The following ARFGEF3 variants were observed in gnomAD, a reference collection of about 807,000 sequenced individuals.
ARFGEF3 encodes the protein brefeldin A-inhibited guanine nucleotide-exchange protein 3.
Under a neutral mutation model 221.7 loss-of-function variants are expected in ARFGEF3, and 96 were observed. That is an observed-to-expected ratio of 0.43 (90% CI 0.37 to 0.51). The LOEUF (loss-of-function observed/expected upper bound fraction) is 0.51. Ranked by LOEUF, ARFGEF3 falls within the 20% of genes least tolerant of loss-of-function variation. The pLI is 0.00. For synonymous variants in ARFGEF3, 1,145 were observed against 1,126.8 expected (o/e 1.02, Z -0.32); for missense variants, 2,410 against 2,789.9 (o/e 0.86, Z 3.07).
At chr6:138,185,837 C>G (rs565035580) in intron 2 of ARFGEF3, among the ~76,000 whole-genome samples, 5 of 152,240 alleles carry the variant, frequency 3.3e-5, no homozygotes, top group Admixed American at 3.3e-4. Flanking sequence ...CATGAGTGAC[C>G]CCCAGTAATG....
At chr6:138,316,876 A>T (rs966684019) in intron 26 of ARFGEF3, among the ~76,000 whole-genome samples, 1 of 152,200 alleles carries the variant, frequency 6.6e-6, no homozygotes, top group Non-Finnish European at 1.5e-5. Context: ...TCTGTTCTAT[A>T]TATTTACCAC....
intron 30 of ARFGEF3, 106 bp downstream of exon 30, chr6:138,323,879 T>A: frequency 6.5e-7 from 1 of 1,538,070 alleles, no homozygotes; most frequent in Non-Finnish European, 8.9e-7. Context: ...GAGCAGGCAG[T>A]CTCACTTTAG....
At chr6:138,319,632 A>G in intron 27 of ARFGEF3, 71 bp from the exon 28 acceptor site, 1 of 1,108,568 alleles carries the variant, frequency 9.0e-7, no homozygotes. Flanking sequence ...AAAGAGATCA[A>G]CAATGCCAGG....
At chr6:138,311,334 T>C (rs1243964713) in intron 24 of ARFGEF3, 73 bp from the exon 25 acceptor site, 1 of 873,640 alleles carries the variant, frequency 1.1e-6, no homozygotes, top group African/African-American at 1.7e-5. Flanking sequence ...GCTATGTGAG[T>C]AAACAGGTCT....
intron 12 of ARFGEF3, among the ~76,000 whole-genome samples, chr6:138,265,987 G>A (rs944023966): frequency 4.6e-5 from 7 of 151,862 alleles, no homozygotes; most frequent in South Asian, 2.1e-4. Flanking sequence ...AGGCTGAGAC[G>A]GGTGGATTGC....
Position 138,245,599 on chromosome 6 carries a change from C to T in ARFGEF3, c.665+8C>T. ...GCTGCAAGCCGCCATAAAGTAAGTG[C>T]CCTAACCACTGCCGCTTTTCTTTAC... On this transcript the variant is annotated splice_region_variant and intron_variant, in intron 8 of 33. Transcript: ENST00000251691. The T allele has an allele frequency of 6.2e-7, 1 of 1,600,508 alleles. No individual in the cohort carries two copies. Among genetic ancestry groups the T allele is most frequent in the Non-Finnish European group, 8.5e-7 (1 of 1,171,892 alleles).
chr6:138,283,778 T>C (rs1375968506), intron 14 of ARFGEF3, among the ~76,000 whole-genome samples: 1 of 152,244 alleles, frequency 6.6e-6, no homozygotes, highest in African/African-American at 2.4e-5. Flanking sequence ...CTTTGATAAA[T>C]GAAAATTTCT....
Position 138,212,278 on chromosome 6 carries a change from C to T in ARFGEF3, c.351+2237C>T, listed in dbSNP as rs117145219. Among the ~76,000 whole-genome samples the T allele has an allele frequency of 3.1e-3, 466 of 152,266 alleles. 13 individuals are homozygous for T. The East Asian group carries it at 0.064, about 21-fold the overall frequency. ...GCATTTGACTCATGCCTGTAATCCC[C>T]GCAATTTGGGAGGCCAAGGCAGGGG... On this transcript the variant is annotated intron_variant, in intron 4 of 33. Coordinates refer to ENST00000251691, the MANE Select transcript of ARFGEF3 (RefSeq NM_020340.5).
intron 27 of ARFGEF3, 150 bp from the exon 28 acceptor site, chr6:138,319,553 C>A: frequency 1.6e-6 from 1 of 612,312 alleles, no homozygotes; most frequent in Non-Finnish European, 2.8e-6. Flanking sequence ...CCACTGAAGA[C>A]CATATATTCC....
chr6:138,270,444 A>G (rs1714417259), intron 12 of ARFGEF3, among the ~76,000 whole-genome samples: 1 of 139,302 alleles, frequency 7.2e-6, no homozygotes, highest in South Asian at 2.1e-4. Flanking sequence ...ACACACACAC[A>G]CACACACACA....
intron 5 of ARFGEF3, among the ~76,000 whole-genome samples, chr6:138,230,991 T>C (rs555524672): frequency 2.0e-5 from 3 of 152,086 alleles, no homozygotes; most frequent in African/African-American, 7.2e-5. Flanking sequence ...CCCTTTGCCA[T>C]GTGAAGGAAG....
intron 4 of ARFGEF3, among the ~76,000 whole-genome samples, chr6:138,211,759 A>C (rs1026474189): frequency 6.6e-6 from 1 of 152,212 alleles, no homozygotes; most frequent in African/African-American, 2.4e-5. Context: ...CAGAACGTTT[A>C]ATGGTTATGT....
rs1780443285 is a variant in ARFGEF3, at chr6:138,342,310, C to T, written c.*5824C>T. 1 of 152,130 alleles carries T rather than the reference C, an allele frequency of 6.6e-6. No individual in the cohort carries two copies. Among genetic ancestry groups the T allele is most frequent in the South Asian group, 2.1e-4 (1 of 4,826 alleles). 9.4% of individuals were successfully genotyped at this position (152,130 alleles called of 1,614,324 possible). A position where few individuals can be genotyped will look rare whatever the true frequency, so the allele number is the denominator to read the frequency against. On this transcript the variant is annotated 3_prime_UTR_variant, in exon 34 of 34. Transcript: ENST00000251691. ...GTTTTGGGAACTATGCTTTGAGAAC[C>T]ACTGCCTTGAAAAAATTTCCAACTT... is the stretch of plus-strand genomic sequence containing the variant.
chr6:138,255,852 T>C, intron 10 of ARFGEF3, 83 bp downstream of exon 10: 1 of 1,211,450 alleles, frequency 8.3e-7, no homozygotes, highest in Non-Finnish European at 1.1e-6. Context: ...CAGAAAAGGC[T>C]TGCCAATCAC....
chr6:138,189,655 T>C (rs1290286888), intron 2 of ARFGEF3, among the ~76,000 whole-genome samples: 2 of 152,174 alleles, frequency 1.3e-5, no homozygotes, highest in Non-Finnish European at 2.9e-5. Context: ...TTCCATCAAA[T>C]TGATGCGCCA....
chr6:138,264,655 C>T (rs1160189341), intron 12 of ARFGEF3, among the ~76,000 whole-genome samples: 2 of 152,150 alleles, frequency 1.3e-5, no homozygotes, highest in Admixed American at 1.3e-4. Context: ...TCCCTTCTAC[C>T]CTCCCCTCTC....
Position 138,253,936 on chromosome 6 carries a change from GCTC to G in ARFGEF3, c.733_735del (p.Ser245del), listed in dbSNP as rs748813563. The G allele has an allele frequency of 4.4e-6, 7 of 1,597,936 alleles. No individual in the cohort carries two copies. The highest frequency in any genetic ancestry group is 2.3e-5 in the East Asian group (1 of 44,268). The stretch of plus-strand genomic sequence containing the variant: ...GAGTGCATCCTGTCTGTGCTCAGCA[GCTC>G]CTCCTCCTCCATGCACCTGCACAGG... On this transcript the variant is annotated inframe_deletion, in exon 9 of 34. Transcript: ENST00000251691.
chr6:138,196,779 T>G (rs763240409), intron 2 of ARFGEF3, among the ~76,000 whole-genome samples: 12 of 152,194 alleles, frequency 7.9e-5, no homozygotes, highest in Non-Finnish European at 1.3e-4. Flanking sequence ...GATTGTCAGT[T>G]GTACAAAAAT....
chr6:138,273,885 T>G (rs1378350296), intron 12 of ARFGEF3, among the ~76,000 whole-genome samples: 1 of 152,230 alleles, frequency 6.6e-6, no homozygotes. Flanking sequence ...TTCTTTAAGT[T>G]GACAAAATAG....
Sources: allele counts gnomAD v4.1 joint callset (sites outside exome capture counted in the v4.1 genomes callset), GRCh38; gene constraint gnomAD v4.1.1; transcripts MANE v1.5; gene names NCBI Gene and HGNC (gene_info 2026-07-23, HGNC 2026-07-21).